Variants in LAPTM5 observed in about 807,000 individuals in gnomAD.
LAPTM5 encodes lysosomal protein transmembrane 5.
In LAPTM5, 11 loss-of-function variants were observed where a neutral mutation model predicts 30.1. That is an observed-to-expected ratio of 0.37 (90% CI 0.23 to 0.60). The LOEUF is 0.60. Among genes scored for constraint, LAPTM5 ranks in the 20% least tolerant of loss-of-function variants. The pLI is 0.71. For synonymous variants in LAPTM5, 151 were observed against 137.9 expected (o/e 1.10, Z -0.67); for missense variants, 324 against 332.5 (o/e 0.97, Z 0.20).
In LAPTM5 at chr1:30,746,583, CT is replaced by C. The variant is rs747913395; in HGVS notation, c.88-4035del. On this transcript the variant is annotated intron_variant, in intron 1 of 7. Coordinates refer to ENST00000294507, the MANE Select transcript of LAPTM5 (RefSeq NM_006762.3). The surrounding 1 kb of genome is among the most constrained non-coding windows in gnomAD (Gnocchi z 4.0). ...CCATCCCATGACAGGTACAAGGCTT[CT>C]CTCCCCCAACAATGCGCAGGCAGAC... Among the ~76,000 whole-genome samples the C allele has an allele frequency of 9.8e-5, 15 of 152,348 alleles. No individual in the cohort carries two copies. Among genetic ancestry groups the C allele is most frequent in the Non-Finnish European group, 1.8e-4 (12 of 68,024 alleles).
intron 3 of LAPTM5, 67 bp downstream of exon 3, chr1:30,741,573 C>A: frequency 7.8e-7 from 1 of 1,282,802 alleles, no homozygotes; most frequent in Non-Finnish European, 1.1e-6. Context: ...GCACCCAGCA[C>A]TGCCCACCAC....
chr1:30,753,130 G>A (rs553844714), intron 1 of LAPTM5, among the ~76,000 whole-genome samples: 2 of 151,490 alleles, frequency 1.3e-5, no homozygotes, highest in South Asian at 4.2e-4. Context: ...GAGCCACAAA[G>A]TAAAGTACCA....
At chr1:30,753,493 T>C (rs1188347) in intron 1 of LAPTM5, among the ~76,000 whole-genome samples, 87,142 of 152,074 alleles carry the variant, frequency 0.57, 25,253 homozygotes, top group East Asian at 0.67. Context: ...TGGCACATCA[T>C]CTCTGTGGTC....
At position 30,757,720 on chromosome 1, in the gene LAPTM5, C is replaced by A. The variant is rs144278297; in HGVS notation, c.26G>T (p.Arg9Leu). ...GACATTGAAGCAGCAGCAGGTCTGG[C>A]GGACAGTGGACAAGCGGGGGTCCAT... MDPRLSTVRQTCCCFNVRI... is the reference protein window; with the variant it reads MDPRLSTVLQTCCCFNVRI... Residue 9 changes from arginine (R) to leucine (L), a missense_variant, in exon 1 of 8, where the codon CGC becomes CTC. By Grantham distance (102) the Arg-to-Leu change is moderately radical. Transcript: ENST00000294507. The A allele has an allele frequency of 6.2e-7, 1 of 1,613,742 alleles. No homozygotes were observed. Among genetic ancestry groups the A allele is most frequent in the Non-Finnish European group, 8.5e-7 (1 of 1,179,988 alleles).
At chr1:30,744,380 C>T (rs1640014724) in intron 1 of LAPTM5, among the ~76,000 whole-genome samples, 1 of 152,144 alleles carries the variant, frequency 6.6e-6, no homozygotes, top group Non-Finnish European at 1.5e-5. Context: ...GAAAGGGAGG[C>T]AGATGACAGC....
chr1:30,748,629 T>C (rs1640083215), intron 1 of LAPTM5, among the ~76,000 whole-genome samples: 1 of 152,108 alleles, frequency 6.6e-6, no homozygotes, highest in South Asian at 2.1e-4. Context: ...GAGCACTATC[T>C]CCCCAACCAC....
Position 30,735,190 on chromosome 1 carries a change from A to G in LAPTM5, c.682T>C (p.Ser228Pro). The change falls in exon 7 of 8, where the codon TCC becomes CCC. Residue 228 changes from serine to proline, a missense_variant. Physicochemically the swap from Ser to Pro is moderately conservative, Grantham distance 74. Transcript: ENST00000294507. ...ACACTCACCTTCTGGAGCATCTTGG[A>G]GTTTCTCTTCTCCTCCACCGAGTTC... ...CMNSVEEKRNSKMLQKVVLPS... is the reference protein window; with the variant it reads ...CMNSVEEKRNPKMLQKVVLPS... 6.2e-7 allele frequency: 1 copy of G among 1,613,570 alleles called. No individual in the cohort carries two copies. The highest frequency in any genetic ancestry group is 8.5e-7 in the Non-Finnish European group (1 of 1,179,678).
At chr1:30,744,394 G>A (rs922700007) in intron 1 of LAPTM5, among the ~76,000 whole-genome samples, 9 of 152,140 alleles carry the variant, frequency 5.9e-5, no homozygotes, top group African/African-American at 1.7e-4. Flanking sequence ...TGACAGCTCC[G>A]TCCAGCACAG....
At chr1:30,740,376 GC>G (rs1348678873) in intron 3 of LAPTM5, among the ~76,000 whole-genome samples, 1 of 151,504 alleles carries the variant, frequency 6.6e-6, no homozygotes, top group African/African-American at 2.4e-5. Flanking sequence ...ATGAGTGAAG[GC>G]CCGGAGGCAG....
Position 30,737,330 on chromosome 1 carries a change from C to T in LAPTM5, c.606+274G>A, listed in dbSNP as rs569232144. On this transcript the variant is annotated intron_variant, in intron 6 of 7. Coordinates refer to ENST00000294507, the MANE Select transcript of LAPTM5 (RefSeq NM_006762.3). The stretch of plus-strand genomic sequence containing the variant: ...AGTGACAGTGGGGCTTGGATTCAAA[C>T]GCAGGCCAGTCCAAATCTAATTCCA... Among the ~76,000 whole-genome samples the T allele has an allele frequency of 1.4e-4, 22 of 152,316 alleles. 1 individual carries two copies. Among genetic ancestry groups the T allele is most frequent in the African/African-American group, 3.8e-4 (16 of 41,560 alleles).
intron 1 of LAPTM5, among the ~76,000 whole-genome samples, chr1:30,745,058 C>A (rs1352825487): frequency 2.6e-5 from 4 of 152,158 alleles, no homozygotes; most frequent in Non-Finnish European, 4.4e-5. Context: ...ATCCTCAACT[C>A]CCCCTACAAC....
At position 30,742,545 on chromosome 1, in the gene LAPTM5, A is replaced by G. The variant is rs1407141940; in HGVS notation, c.92T>C (p.Met31Thr). 3.7e-6 allele frequency: 6 copies of G among 1,613,062 alleles called. No individual in the cohort carries two copies. Among genetic ancestry groups the G allele is most frequent in the Admixed American group, 1.7e-5 (1 of 59,964 alleles). The change falls in exon 2 of 8, where the codon ATG becomes ACG. Residue 31 changes from methionine (M) to threonine (T), a missense_variant. Physicochemically the swap from Met to Thr is moderately conservative, Grantham distance 81. Transcript: ENST00000294507. ...GTGCTCGATGAACAACAAGACGCTCATGATCTGGAGGCAAAGCAAAGCATC... is the reference window on the plus strand; with the variant it reads ...GTGCTCGATGAACAACAAGACGCTCGTGATCTGGAGGCAAAGCAAAGCATC... ...TTALAIYHVI[M>T]SVLLFIEHSV...
chr1:30,750,391 T>C (rs1167683228), intron 1 of LAPTM5, among the ~76,000 whole-genome samples: 2 of 152,340 alleles, frequency 1.3e-5, no homozygotes, highest in South Asian at 2.1e-4. Flanking sequence ...TCTGAACTTA[T>C]ACAGTCGGCC....
chr1:30,738,895 G>A (rs1390775919), intron 5 of LAPTM5, 45 bp downstream of exon 5: 1 of 1,566,042 alleles, frequency 6.4e-7, no homozygotes, highest in African/African-American at 1.3e-5. Flanking sequence ...CCTGTTCAAG[G>A]CCACACAGCC....
At chr1:30,740,879 C>A (rs1639961133) in intron 3 of LAPTM5, among the ~76,000 whole-genome samples, 1 of 152,184 alleles carries the variant, frequency 6.6e-6, no homozygotes, top group South Asian at 2.1e-4. Flanking sequence ...CAAATCATCG[C>A]CCCACTCCTC....
At chr1:30,750,982 G>A (rs1353317213) in intron 1 of LAPTM5, among the ~76,000 whole-genome samples, 1 of 152,246 alleles carries the variant, frequency 6.6e-6, no homozygotes, top group Non-Finnish European at 1.5e-5. Flanking sequence ...GCAGGGTGGG[G>A]TCCCCTGGGA....
chr1:30,735,321 G>T, intron 6 of LAPTM5, 56 bp from the exon 7 acceptor site: 1 of 1,439,504 alleles, frequency 6.9e-7, no homozygotes, highest in Non-Finnish European at 9.8e-7. Flanking sequence ...TCACGCTCCA[G>T]CAGGCCTAGG....
In LAPTM5 at chr1:30,757,736, G is replaced by T; in HGVS notation, c.10C>A (p.Arg4Ser). MDP[R>S]LSTVRQTCCC... ...CAGGTCTGGCGGACAGTGGACAAGCGGGGGTCCATGGTGCTGCCGTCCCCT... is the reference window on the plus strand; with the variant it reads ...CAGGTCTGGCGGACAGTGGACAAGCTGGGGTCCATGGTGCTGCCGTCCCCT... Residue 4 changes from arginine (R) to serine (S), a missense_variant, in exon 1 of 8, where the codon CGC (arginine) becomes AGC (serine). Arg to Ser is a moderately radical substitution (Grantham distance 110). Transcript: ENST00000294507. The T allele has an allele frequency of 6.2e-7, 1 of 1,613,546 alleles. No individual in the cohort carries two copies. Among genetic ancestry groups the T allele is most frequent in the Non-Finnish European group, 8.5e-7 (1 of 1,179,938 alleles).
At chr1:30,736,583 G>A (rs1007796712) in intron 6 of LAPTM5, among the ~76,000 whole-genome samples, 3 of 151,500 alleles carry the variant, frequency 2.0e-5, no homozygotes, top group Non-Finnish European at 2.9e-5. Context: ...ACAGGCACAC[G>A]CCACCACATC....
Sources: gnomAD v4.1 joint callset for allele counts (sites outside exome capture counted in the v4.1 genomes callset) on GRCh38, gnomAD v4.1.1 for gene constraint, Gnocchi (gnomAD v3.1) non-coding constraint, MANE v1.5 for transcripts, NCBI Gene and HGNC (gene_info 2026-07-23, HGNC 2026-07-21) for gene names.